The following SRRM4 variants were observed in gnomAD, a reference collection of about 807,000 sequenced individuals.
SRRM4 encodes the protein serine/arginine repetitive matrix 4.
A neutral mutation model predicts 68.9 loss-of-function variants in SRRM4; 33 were observed. The observed-to-expected ratio is 0.48, with a 90% CI of 0.36 to 0.64. SRRM4 has a LOEUF of 0.64. Among genes scored for constraint, SRRM4 ranks in the 30% least tolerant of loss-of-function variants. The pLI is 0.00. For synonymous variants in SRRM4, 318 were observed against 318.8 expected, an observed-to-expected ratio of 1.00 and a Z score of 0.03; for missense variants, 817 against 827.1, an observed-to-expected ratio of 0.99 and a Z score of 0.15.
At chr12:118,999,715 G>A (rs905696342) in intron 1 of SRRM4, among the ~76,000 whole-genome samples, 3 of 152,126 alleles carry the variant, frequency 2.0e-5, no homozygotes, top group African/African-American at 7.2e-5. Flanking sequence ...CTATTTTGCA[G>A]CTGAGGAAAT....
intron 8 of SRRM4, among the ~76,000 whole-genome samples, chr12:119,131,538 C>T (rs778319165): frequency 2.6e-5 from 4 of 152,216 alleles, no homozygotes; most frequent in Non-Finnish European, 5.9e-5. Context: ...TTAAGCAGTG[C>T]TGCCCCAAGT....
intron 1 of SRRM4, among the ~76,000 whole-genome samples, chr12:118,990,229 T>A (rs534035375): frequency 6.6e-6 from 1 of 152,248 alleles, no homozygotes; most frequent in South Asian, 2.1e-4. Context: ...AACCAACATG[T>A]TTATAGGATA....
chr12:119,156,615 G>A lies in SRRM4; in HGVS notation c.1653G>A (p.Arg551=), dbSNP rs200528051. 1.4e-4 allele frequency: 224 copies of A among 1,609,538 alleles called. No homozygotes were observed. In the African/African-American group the frequency reaches 2.1e-3, roughly 15 times the overall value. ...SSRSASRSYS[R]SRSRSRSRRR... ...GCTCGGCCAGCCGCAGCTACTCCCG[G>A]AGCCGGAGTCGGAGCCGGAGCCGGA... The change falls in exon 13 of 13, where the codon CGG becomes CGA. Residue 551 remains arginine, a synonymous_variant. Coordinates refer to ENST00000267260, the MANE Select transcript of SRRM4 (RefSeq NM_194286.4).
intron 1 of SRRM4, among the ~76,000 whole-genome samples, chr12:119,057,455 C>T (rs2136019778): frequency 6.6e-6 from 1 of 152,322 alleles, no homozygotes; most frequent in African/African-American, 2.4e-5. Context: ...GTTTGGTTTT[C>T]TGTTCCTGCA....
At chr12:119,130,915 A>T in intron 8 of SRRM4, 81 bp downstream of exon 8, 1 of 1,400,588 alleles carries the variant, frequency 7.1e-7, no homozygotes, top group Non-Finnish European at 9.6e-7. Context: ...AGGGCAGTGT[A>T]TGGTACACTT....
intron 1 of SRRM4, among the ~76,000 whole-genome samples, chr12:119,044,312 T>TTGCCCTTAGATGCAGCTCC (rs1953690816): frequency 1.3e-5 from 2 of 152,212 alleles, no homozygotes; most frequent in African/African-American, 4.8e-5. Flanking sequence ...GGTGCAGCTC[T>TTGCCCTTAGATGCAGCTCC]TGCCCTTAGA....
At chr12:119,110,526 C>T (rs529443546) in intron 2 of SRRM4, among the ~76,000 whole-genome samples, 4 of 152,232 alleles carry the variant, frequency 2.6e-5, no homozygotes, top group African/African-American at 4.8e-5. Context: ...TCAGCAATGG[C>T]GGACGCCCCT....
chr12:119,007,669 C>T (rs760520207), intron 1 of SRRM4, among the ~76,000 whole-genome samples: 1 of 152,162 alleles, frequency 6.6e-6, no homozygotes, highest in African/African-American at 2.4e-5. Flanking sequence ...CAGTGACTTG[C>T]GCAAGGTCAC....
chr12:119,030,114 G>T (rs995857827), intron 1 of SRRM4, among the ~76,000 whole-genome samples: 3 of 152,134 alleles, frequency 2.0e-5, no homozygotes, highest in Non-Finnish European at 1.5e-5. Context: ...ACTGAAATGC[G>T]AGAGAAAAAT....
intron 12 of SRRM4, among the ~76,000 whole-genome samples, chr12:119,155,087 A>C (rs1245914052): frequency 2.6e-5 from 4 of 152,248 alleles, no homozygotes; most frequent in Non-Finnish European, 4.4e-5. Flanking sequence ...GAAAAGGGGC[A>C]AAAAGATGTG....
intron 1 of SRRM4, among the ~76,000 whole-genome samples, chr12:119,020,463 G>A (rs960082210): frequency 3.3e-5 from 5 of 152,206 alleles, no homozygotes; most frequent in Admixed American, 2.0e-4. Flanking sequence ...ACATCCAAGT[G>A]TTGGTAAACC....
intron 1 of SRRM4, among the ~76,000 whole-genome samples, chr12:119,025,522 G>T (rs914827709): frequency 1.3e-5 from 2 of 151,896 alleles, no homozygotes; most frequent in African/African-American, 4.8e-5. Context: ...TTGGCTCACC[G>T]CAACCTCTGC....
intron 4 of SRRM4, 74 bp downstream of exon 4, chr12:119,117,082 C>A: frequency 1.8e-6 from 2 of 1,137,520 alleles, no homozygotes; most frequent in Non-Finnish European, 2.6e-6. Flanking sequence ...ACTAAAAGGT[C>A]ATCTGGAAGC....
intron 9 of SRRM4, among the ~76,000 whole-genome samples, chr12:119,148,998 G>A (rs184502653): frequency 1.4e-4 from 21 of 152,266 alleles, no homozygotes; most frequent in Admixed American, 9.2e-4. Flanking sequence ...TGGGGCTCTG[G>A]GTGGTTTTGA....
intron 1 of SRRM4, among the ~76,000 whole-genome samples, chr12:119,026,108 C>T (rs971942607): frequency 6.6e-6 from 1 of 151,810 alleles, no homozygotes; most frequent in Non-Finnish European, 1.5e-5. Context: ...TTCTCATGGC[C>T]ACCACATCTG....
intron 1 of SRRM4, among the ~76,000 whole-genome samples, chr12:119,040,197 ATTTTAT>A (rs1953657535): frequency 6.6e-6 from 1 of 152,010 alleles, no homozygotes; most frequent in South Asian, 2.1e-4. Flanking sequence ...ATTTTATTTT[ATTTTAT>A]TTTATTTTTC....
At chr12:119,120,169 A>ATCTCTC in intron 4 of SRRM4, 81 bp from the exon 5 acceptor site, 1 of 778,802 alleles carries the variant, frequency 1.3e-6, no homozygotes, top group Non-Finnish European at 1.9e-6. Context: ...CCCTCTCTCC[A>ATCTCTC]TCTCTCTCTC....
chr12:119,000,248 G>A (rs769756667), intron 1 of SRRM4, among the ~76,000 whole-genome samples: 14 of 152,168 alleles, frequency 9.2e-5, no homozygotes, highest in South Asian at 2.1e-4. Context: ...TCAAAGCAGT[G>A]CAATATGCTG....
intron 1 of SRRM4, among the ~76,000 whole-genome samples, chr12:119,067,518 C>A (rs1251278092): frequency 6.6e-6 from 1 of 151,988 alleles, no homozygotes; most frequent in Admixed American, 6.6e-5. Flanking sequence ...ACCAGCCTGG[C>A]CAACATGGTG....
Sources: allele counts gnomAD v4.1 joint callset (sites outside exome capture counted in the v4.1 genomes callset), GRCh38; gene constraint gnomAD v4.1.1; transcripts MANE v1.5; gene names NCBI Gene and HGNC (gene_info 2026-07-23, HGNC 2026-07-21).